The following DPYD variants were observed in gnomAD, a reference collection of about 807,000 sequenced individuals.
DPYD encodes dihydropyrimidine dehydrogenase [NADP(+)].
DPYD carries 109 observed loss-of-function variants against 116.2 expected under a neutral mutation model. The ratio of observed to expected loss-of-function variants is 0.94; its 90% CI spans 0.80 to 1.10. The LOEUF is 1.10. DPYD is among the 50% of genes least tolerant of loss of function. The pLI, the probability that DPYD is intolerant of heterozygous loss-of-function variation, is 0.00. For synonymous variants in DPYD, 440 were observed against 432.0 expected, an observed-to-expected ratio of 1.02 and a Z score of -0.23; for missense variants, 1,302 against 1,254.5, an observed-to-expected ratio of 1.04 and a Z score of -0.57.
chr1:97,843,536 T>C (rs796733383), intron 2 of DPYD, among the ~76,000 whole-genome samples: 35 of 152,318 alleles, frequency 2.3e-4, no homozygotes, highest in African/African-American at 7.7e-4. Flanking sequence ...AGAAATTTTA[T>C]TTTCCTAGAC....
chr1:97,597,386 G>A (rs1654955354), intron 8 of DPYD, among the ~76,000 whole-genome samples: 1 of 152,124 alleles, frequency 6.6e-6, no homozygotes, highest in African/African-American at 2.4e-5. Context: ...AGTGCTGTGG[G>A]ATGATCAGAA....
At chr1:97,830,848 G>A (rs906388398) in intron 2 of DPYD, among the ~76,000 whole-genome samples, 3 of 152,102 alleles carry the variant, frequency 2.0e-5, no homozygotes, top group Non-Finnish European at 4.4e-5. Flanking sequence ...CTGAAATACC[G>A]TGTTTCAGAG....
intron 7 of DPYD, among the ~76,000 whole-genome samples, chr1:97,689,656 A>G (rs770210505): frequency 2.6e-5 from 4 of 152,024 alleles, no homozygotes; most frequent in Admixed American, 2.0e-4. Context: ...TTTAAAATAT[A>G]TATTAGTTGA....
At chr1:97,413,065 A>C (rs1674098077) in intron 14 of DPYD, among the ~76,000 whole-genome samples, 1 of 152,206 alleles carries the variant, frequency 6.6e-6, no homozygotes, top group Non-Finnish European at 1.5e-5. Context: ...TACACTTTTC[A>C]ACTACCAAGA....
intron 19 of DPYD, among the ~76,000 whole-genome samples, chr1:97,221,009 C>G (rs894030337): frequency 1.3e-5 from 2 of 152,146 alleles, no homozygotes; most frequent in Non-Finnish European, 2.9e-5. Context: ...AGTAGCCAGT[C>G]TTCTAGAAAT....
intron 20 of DPYD, among the ~76,000 whole-genome samples, chr1:97,102,401 A>ATATATATATATATATATATATATATATG (rs1414296561): frequency 7.3e-6 from 1 of 137,338 alleles, no homozygotes; most frequent in East Asian, 2.2e-4. Context: ...AGTATCATAT[A>ATATATATATATATATATATATATATATG]TATATATATA....
intron 16 of DPYD, among the ~76,000 whole-genome samples, chr1:97,358,572 T>C (rs1670542770): frequency 1.3e-5 from 2 of 151,964 alleles, no homozygotes; most frequent in Admixed American, 6.6e-5. Flanking sequence ...ACACCACATA[T>C]AGGCAGCTGC....
At chr1:97,761,786 A>G (rs1665587940) in intron 3 of DPYD, among the ~76,000 whole-genome samples, 1 of 152,166 alleles carries the variant, frequency 6.6e-6, no homozygotes, top group African/African-American at 2.4e-5. Context: ...GATTTTTTAA[A>G]CAGTGTTATA....
intron 4 of DPYD, among the ~76,000 whole-genome samples, chr1:97,725,570 A>G (rs557105705): frequency 6.6e-6 from 1 of 151,766 alleles, no homozygotes; most frequent in South Asian, 2.1e-4. Flanking sequence ...CATAATCAAG[A>G]TAGTATGGTA....
chr1:97,734,742 G>C (rs1371209950), intron 4 of DPYD, among the ~76,000 whole-genome samples: 1 of 152,130 alleles, frequency 6.6e-6, no homozygotes. Context: ...AAATCAGTGG[G>C]AATCATCTTA....
chr1:97,775,758 G>T (rs1164138386), intron 3 of DPYD, among the ~76,000 whole-genome samples: 1 of 152,086 alleles, frequency 6.6e-6, no homozygotes, highest in Admixed American at 6.6e-5. Context: ...GTTTATTGCT[G>T]TATTTCCAGA....
chr1:97,882,454 A>G (rs1672276070), intron 2 of DPYD, among the ~76,000 whole-genome samples: 1 of 152,054 alleles, frequency 6.6e-6, no homozygotes, highest in Non-Finnish European at 1.5e-5. Context: ...CATACATTCT[A>G]TAAGAAAGTA....
At chr1:97,227,196 G>A (rs185627189) in intron 19 of DPYD, among the ~76,000 whole-genome samples, 139 of 151,624 alleles carry the variant, frequency 9.2e-4, no homozygotes, top group African/African-American at 3.0e-3. Flanking sequence ...GTGGTGGCAC[G>A]CACTTGTAAT....
At chr1:97,115,356 T>C (rs143297656) in intron 20 of DPYD, among the ~76,000 whole-genome samples, 77 of 152,338 alleles carry the variant, frequency 5.1e-4, no homozygotes, top group African/African-American at 1.7e-3. Context: ...TCAACATGGA[T>C]TCTGATTTTA....
intron 13 of DPYD, among the ~76,000 whole-genome samples, chr1:97,483,967 A>G (rs1678471010): frequency 6.6e-6 from 1 of 152,214 alleles, no homozygotes; most frequent in Admixed American, 6.5e-5. Context: ...GAACTAAGAC[A>G]TGACATCTGA....
At chr1:97,916,354 G>A (rs1490755504) in intron 1 of DPYD, among the ~76,000 whole-genome samples, 7 of 151,924 alleles carry the variant, frequency 4.6e-5, no homozygotes, top group South Asian at 4.2e-4. Context: ...AACAGGCCCC[G>A]GTGTGTGATG....
At chr1:97,523,638 T>C (rs564154991) in intron 12 of DPYD, among the ~76,000 whole-genome samples, 4 of 152,310 alleles carry the variant, frequency 2.6e-5, no homozygotes, top group African/African-American at 7.2e-5. Flanking sequence ...CTTCCACTTA[T>C]TGAACTAGTT....
At chr1:97,339,361 C>T (rs1204424822) in intron 16 of DPYD, among the ~76,000 whole-genome samples, 1 of 152,056 alleles carries the variant, frequency 6.6e-6, no homozygotes, top group African/African-American at 2.4e-5. Context: ...AAGCCACACA[C>T]CTAGACATAA....
intron 13 of DPYD, among the ~76,000 whole-genome samples, chr1:97,488,090 C>CAA (rs149644758): frequency 7.0e-5 from 10 of 143,652 alleles, no homozygotes; most frequent in South Asian, 2.2e-4. Context: ...TACAAGTCAG[C>CAA]AAAAAAAAAA....
Sources: gnomAD v4.1 joint callset for allele counts (sites outside exome capture counted in the v4.1 genomes callset) on GRCh38, gnomAD v4.1.1 for gene constraint, MANE v1.5 for transcripts, NCBI Gene and HGNC (gene_info 2026-07-23, HGNC 2026-07-21) for gene names.